ELAPOR1: variants seen among roughly 807,000 people sequenced by gnomAD.
The protein encoded by ELAPOR1 is endosome-lysosome associated apoptosis and autophagy regulator 1.
Under a neutral mutation model 119.7 loss-of-function variants are expected in ELAPOR1, and 77 were observed. That is an observed-to-expected ratio of 0.64 (90% confidence interval 0.54 to 0.78). The LOEUF is 0.78. Among genes scored for constraint, ELAPOR1 ranks in the 30% least tolerant of loss-of-function variants. The probability of loss-of-function intolerance (pLI) is 0.00; values close to 1 mark genes in which losing one functional copy is unlikely to be tolerated. For synonymous variants in ELAPOR1, 481 were observed against 487.2 expected, an observed-to-expected ratio of 0.99 and a Z score of 0.17; for missense variants, 1,115 against 1,270.4, an observed-to-expected ratio of 0.88 and a Z score of 1.86.
chr1:109,183,687 T>G (rs1307460176), intron 7 of ELAPOR1, among the ~76,000 whole-genome samples: 1 of 146,920 alleles, frequency 6.8e-6, no homozygotes, highest in Non-Finnish European at 1.5e-5. Context: ...GGCATGATCA[T>G]GGCTCTCTGC....
chr1:109,129,140 AT>A (rs74792231), intron 1 of ELAPOR1, among the ~76,000 whole-genome samples: 11,645 of 152,234 alleles, frequency 0.076, 950 homozygotes, highest in East Asian at 0.4. Flanking sequence ...ATCCTCTGAA[AT>A]TTAAAATAAA....
rs3215832 is a variant in ELAPOR1 at position 109,198,482 on chromosome 1, AG to A, written c.2400-88del. 1.1e-3 allele frequency: 1,284 copies of A among 1,162,592 alleles called. 15 individuals are homozygous for A. The East Asian group carries it at 0.029, about 26-fold the overall frequency. 72.0% of individuals were successfully genotyped at this position (1,162,592 alleles called of 1,614,324 possible). The stretch of plus-strand genomic sequence containing the variant: ...AGCCCAAGTCCTGACTTCCCCAGCA[AG>A]GGAATTGCTCCATGCGGATTTCTCT... On this transcript the variant is annotated intron_variant, in intron 17 of 21. Coordinates refer to ENST00000369939, the MANE Select transcript of ELAPOR1 (RefSeq NM_020775.5).
chr1:109,189,151 G>T lies in ELAPOR1; in HGVS notation c.1305G>T (p.Thr435=). 1.2e-6 allele frequency: 2 copies of T among 1,614,084 alleles called. No individual in the cohort carries two copies. Among genetic ancestry groups the T allele is most frequent in the South Asian group, 2.2e-5 (2 of 91,008 alleles). The change falls in exon 10 of 22, where the codon ACG becomes ACT. Residue 435 remains threonine (T), a synonymous_variant. Coordinates refer to ENST00000369939, the MANE Select transcript of ELAPOR1 (RefSeq NM_020775.5). ...WWNTLPTNME[T]TVLSGINFEY... Reference sequence around the variant, plus strand: ...ACACGCTGCCCACAAACATGGAAACGACCGTTCTCAGTGGGATCAACTTCG... The same window carrying T: ...ACACGCTGCCCACAAACATGGAAACTACCGTTCTCAGTGGGATCAACTTCG...
intron 1 of ELAPOR1, among the ~76,000 whole-genome samples, chr1:109,119,002 A>G (rs1181474110): frequency 1.3e-5 from 2 of 150,308 alleles, no homozygotes; most frequent in Admixed American, 6.7e-5. Flanking sequence ...GGCTCAAGCA[A>G]TTCTCCTGCC....
intron 21 of ELAPOR1, among the ~76,000 whole-genome samples, chr1:109,202,681 T>C (rs1023938336): frequency 6.6e-6 from 1 of 152,108 alleles, no homozygotes; most frequent in African/African-American, 2.4e-5. Context: ...CCTCAGGTGA[T>C]CCACCTGCCT....
intron 7 of ELAPOR1, among the ~76,000 whole-genome samples, chr1:109,177,636 G>A (rs1212637239): frequency 2.0e-5 from 3 of 151,860 alleles, no homozygotes; most frequent in Non-Finnish European, 2.9e-5. Flanking sequence ...GCCACTATGA[G>A]TGCAGTTTTC....
At chr1:109,188,975 A>C in intron 9 of ELAPOR1, 91 bp from the exon 10 acceptor site, 2 of 1,484,156 alleles carry the variant, frequency 1.3e-6, no homozygotes, top group Non-Finnish European at 1.8e-6. Flanking sequence ...GCTGCCCGCT[A>C]CTGTTGCAAC....
rs1651775247 is a variant in ELAPOR1, at chr1:109,169,155, A to G, written c.468-2711A>G. On this transcript the variant is annotated intron_variant, in intron 3 of 21. Transcript: ENST00000369939. ...TGTTTTCGTTTTGAGAATAACACTG[A>G]CTGTCAAAGAGCTGAAAATAACCAT... 2.3e-5 allele frequency among the ~76,000 whole-genome samples: 3 copies of G among 129,240 alleles called. No individual in the cohort carries two copies. In the South Asian group the frequency reaches 7.1e-4, roughly 30 times the overall value. 84.8% of individuals were successfully genotyped at this position (129,240 alleles called of 152,430 possible). A position where few individuals can be genotyped will look rare whatever the true frequency, so the allele number is the denominator to read the frequency against.
At chr1:109,167,214 T>TTC (rs1365768207) in intron 3 of ELAPOR1, among the ~76,000 whole-genome samples, 1 of 152,272 alleles carries the variant, frequency 6.6e-6, no homozygotes, top group African/African-American at 2.4e-5. Context: ...GAAGGATTTC[T>TTC]TCTCTCTCTG....
At chr1:109,197,835 C>T in intron 16 of ELAPOR1, 144 bp from the exon 17 acceptor site, 1 of 989,424 alleles carries the variant, frequency 1.0e-6, no homozygotes, top group African/African-American at 1.6e-5. Flanking sequence ...GGGACTCTGA[C>T]AAACCCTTGT....
At chr1:109,114,510 A>G (rs1647855421) in intron 1 of ELAPOR1, among the ~76,000 whole-genome samples, 174 bp downstream of exon 1, 1 of 152,124 alleles carries the variant, frequency 6.6e-6, no homozygotes. Flanking sequence ...GGAGGCCAGC[A>G]CATTGGAGGA....
intron 7 of ELAPOR1, among the ~76,000 whole-genome samples, chr1:109,174,606 C>CATATATAATAAATTATATATATGTAT (rs1652148658): frequency 6.6e-6 from 1 of 151,332 alleles, no homozygotes; most frequent in Non-Finnish European, 1.5e-5. Flanking sequence ...ATAGATGATA[C>CATATATAATAAATTATATATATGTAT]ATATATAATA....
intron 1 of ELAPOR1, among the ~76,000 whole-genome samples, chr1:109,122,305 C>T (rs370993588): frequency 2.8e-4 from 41 of 148,996 alleles, no homozygotes; most frequent in African/African-American, 9.9e-4. Context: ...TCTCAAAGTG[C>T]TGGGATTACA....
At position 109,173,839 on chromosome 1, in the gene ELAPOR1, T is replaced by C; in HGVS notation, c.952+2T>C. 1 of 1,613,570 alleles carries C rather than the reference T, an allele frequency of 6.2e-7. No individual in the cohort carries two copies. Among genetic ancestry groups the C allele is most frequent in the Non-Finnish European group, 8.5e-7 (1 of 1,179,774 alleles). ...AGTGTGACCCTGACAAATACTCAGGTGATGTTTCTGAGGGTGGGAAGAGTT... is the reference window on the plus strand; with the variant it reads ...AGTGTGACCCTGACAAATACTCAGGCGATGTTTCTGAGGGTGGGAAGAGTT... On this transcript the variant is annotated splice_donor_variant, in intron 7 of 21. Transcript: ENST00000369939. LOFTEE classifies it high-confidence loss of function.
intron 1 of ELAPOR1, among the ~76,000 whole-genome samples, chr1:109,153,524 G>T (rs1178937008): frequency 6.6e-6 from 1 of 152,184 alleles, no homozygotes; most frequent in Non-Finnish European, 1.5e-5. Context: ...ATCTTCATTT[G>T]CATGTGTACA....
chr1:109,145,992 G>A (rs943654261), intron 1 of ELAPOR1, among the ~76,000 whole-genome samples: 3 of 152,156 alleles, frequency 2.0e-5, no homozygotes, highest in African/African-American at 7.2e-5. Context: ...AAGAGAATAT[G>A]TCTAAGAATT....
At position 109,191,769 on chromosome 1, in the gene ELAPOR1, G is replaced by C; in HGVS notation, c.1589G>C (p.Gly530Ala). The change falls in exon 13 of 22, where the codon GGT (glycine) becomes GCT (alanine). Residue 530 changes from glycine to alanine, a missense_variant. Gly to Ala is a moderately conservative substitution (Grantham distance 60, BLOSUM62 0). Transcript: ENST00000369939. ...AACACTCCTGTGGAGACGTGGAAAGGTTCCAAAGGCAAACAGTCCTATACC... is the reference window on the plus strand; with the variant it reads ...AACACTCCTGTGGAGACGTGGAAAGCTTCCAAAGGCAAACAGTCCTATACC... Reference protein sequence around the residue: ...RTNTPVETWKGSKGKQSYTYI... With the variant: ...RTNTPVETWKASKGKQSYTYI... 1 of 1,614,196 alleles carries C rather than the reference G, an allele frequency of 6.2e-7. No individual in the cohort carries two copies. Among genetic ancestry groups the C allele is most frequent in the Non-Finnish European group, 8.5e-7 (1 of 1,180,034 alleles).
chr1:109,158,048 C>T (rs996275883), intron 1 of ELAPOR1, among the ~76,000 whole-genome samples: 61 of 152,054 alleles, frequency 4.0e-4, no homozygotes, highest in Non-Finnish European at 1.0e-4. Flanking sequence ...CCACCACGAC[C>T]GATTAATTTT....
chr1:109,146,313 T>G (rs910746408), intron 1 of ELAPOR1, among the ~76,000 whole-genome samples: 2 of 119,118 alleles, frequency 1.7e-5, no homozygotes, highest in Non-Finnish European at 3.7e-5. Flanking sequence ...AGAGTGAGAC[T>G]CTGTCTCAAT....
Sources: allele counts gnomAD v4.1 joint callset (sites outside exome capture counted in the v4.1 genomes callset), GRCh38; gene constraint gnomAD v4.1.1; transcripts MANE v1.5; gene names NCBI Gene and HGNC (gene_info 2026-07-23, HGNC 2026-07-21).